APPL2: variants seen among roughly 807,000 people sequenced by gnomAD.
APPL2 encodes adaptor protein, phosphotyrosine interacting with PH domain and leucine zipper 2, also known as DCC-interacting protein 13-beta.
APPL2 carries 84 observed loss-of-function variants against 92.7 expected under a neutral mutation model. The ratio of observed to expected loss-of-function variants is 0.91; its 90% CI spans 0.76 to 1.09. The LOEUF (loss-of-function observed/expected upper bound fraction) is 1.09. APPL2 is among the 50% of genes least tolerant of loss of function. APPL2 has a pLI of 0.00. For missense variants in APPL2, 736 were observed against 824.5 expected (o/e 0.89, Z 1.31); for synonymous variants, 291 against 291.0 (o/e 1.00, Z 0.00).
At chr12:105,177,503 C>G in intron 17 of APPL2, 1 of 536,676 alleles carries the variant, frequency 1.9e-6, no homozygotes, top group Non-Finnish European at 3.3e-6. Flanking sequence ...GATTTAACTT[C>G]ACAGGATTCT....
At chr12:105,223,168 T>C (rs1466995349) in intron 2 of APPL2, among the ~76,000 whole-genome samples, 1 of 152,080 alleles carries the variant, frequency 6.6e-6, no homozygotes, top group East Asian at 1.9e-4. Flanking sequence ...GTAATCCAGC[T>C]GCGGTGTGGA....
chr12:105,187,469 T>C (rs929510991), intron 17 of APPL2, among the ~76,000 whole-genome samples: 3 of 152,176 alleles, frequency 2.0e-5, no homozygotes, highest in Admixed American at 6.5e-5. Context: ...CTCAAAAATT[T>C]GCTTAAGGTC....
intron 1 of APPL2, 46 bp downstream of exon 1, chr12:105,235,913 C>T: frequency 3.3e-6 from 4 of 1,226,830 alleles, no homozygotes; most frequent in Non-Finnish European, 4.1e-6. Context: ...GGGGCCTCCT[C>T]GGCCTCACCC....
chr12:105,206,872 A>G (rs1888745010), intron 8 of APPL2, 189 bp downstream of exon 8: 1 of 648,882 alleles, frequency 1.5e-6, no homozygotes, highest in Non-Finnish European at 2.5e-6. Flanking sequence ...ACTTGAGGCC[A>G]ATGCATGTCC....
At position 105,190,147 on chromosome 12, in the gene APPL2, A is replaced by C. The variant is rs753935134; in HGVS notation, c.1250T>G (p.Leu417Arg). ...KQESSCPSQN[L>R]KNSEMENEND... is the part of the protein sequence containing the mutation. ...TTCATTTTCCATCTCTGAATTTTTCAGGTTCTGGCTGAAGGGGAAAAAAAT... is the reference window on the plus strand; with the variant it reads ...TTCATTTTCCATCTCTGAATTTTTCCGGTTCTGGCTGAAGGGGAAAAAAAT... The change falls in exon 15 of 21, where the codon CTG (leucine) becomes CGG (arginine). Residue 417 changes from leucine to arginine, a missense_variant. Coordinates refer to ENST00000258530, the MANE Select transcript of APPL2 (RefSeq NM_018171.5). 2.5e-6 allele frequency: 4 copies of C among 1,613,642 alleles called. No individual in the cohort carries two copies. Among genetic ancestry groups the C allele is most frequent in the Admixed American group, 3.3e-5 (2 of 59,944 alleles).
chr12:105,181,465 C>T (rs1448671731), intron 17 of APPL2, among the ~76,000 whole-genome samples: 1 of 152,106 alleles, frequency 6.6e-6, no homozygotes, highest in African/African-American at 2.4e-5. Context: ...CAGGATGATG[C>T]TGGCTTCATA....
rs921029686 is a variant in APPL2 at position 105,236,056 on chromosome 12, G to A, written c.-44C>T. 30 of 1,219,696 alleles carry A rather than the reference G, an allele frequency of 2.5e-5. No homozygotes were observed. The highest frequency in any genetic ancestry group is 3.2e-5 in the African/African-American group (2 of 63,396). 75.6% of individuals were successfully genotyped at this position (1,219,696 alleles called of 1,614,324 possible). ...CGAGGGCTGGGTTGGAAGGACAGAG[G>A]GCAGGAGACGCGGCGGCCGAGAGCA... is the stretch of plus-strand genomic sequence containing the variant. On this transcript the variant is annotated 5_prime_UTR_variant, in exon 1 of 21. Transcript: ENST00000258530.
intron 2 of APPL2, among the ~76,000 whole-genome samples, chr12:105,218,581 G>A (rs189828307): frequency 6.7e-4 from 102 of 152,338 alleles, no homozygotes; most frequent in African/African-American, 2.1e-3. Context: ...TGCACTGCCT[G>A]TCTGAACAGC....
Position 105,173,388 on chromosome 12 carries a change from G to A in APPL2, c.*926C>T, listed in dbSNP as rs1465131364. On this transcript the variant is annotated 3_prime_UTR_variant, in exon 21 of 21. Transcript: ENST00000258530. ...TAGTTACAGTTAAACACACTGTACC[G>A]ATTCAAAATCATTATACTAGTTTGA... The A allele has an allele frequency of 1.3e-5, 2 of 152,560 alleles. No individual in the cohort carries two copies. The highest frequency in any genetic ancestry group is 1.9e-4 in the East Asian group (1 of 5,202). The allele number at this position is 152,560 out of a possible 1,614,324, so 9.5% of individuals were successfully genotyped here.
At chr12:105,176,167 G>GTGACC in intron 19 of APPL2, 85 bp from the exon 20 acceptor site, 1 of 1,221,392 alleles carries the variant, frequency 8.2e-7, no homozygotes, top group Non-Finnish European at 1.2e-6. Flanking sequence ...GTACAGTGAG[G>GTGACC]TCACTGTTCT....
At chr12:105,224,328 T>C (rs1890337121) in intron 2 of APPL2, among the ~76,000 whole-genome samples, 1 of 152,196 alleles carries the variant, frequency 6.6e-6, no homozygotes, top group South Asian at 2.1e-4. Flanking sequence ...AGAAAGTTAT[T>C]CTGGGATACA....
intron 11 of APPL2, among the ~76,000 whole-genome samples, chr12:105,196,779 TTCCCTTGTTCC>T (rs1370113618): frequency 6.6e-6 from 1 of 152,194 alleles, no homozygotes; most frequent in Non-Finnish European, 1.5e-5. Flanking sequence ...CATCTGCCAG[TTCCCTTGTTCC>T]TCTCATCTGT....
At chr12:105,188,611 C>T (rs1318477083) in intron 16 of APPL2, among the ~76,000 whole-genome samples, 164 bp from the exon 17 acceptor site, 1 of 152,222 alleles carries the variant, frequency 6.6e-6, no homozygotes, top group African/African-American at 2.4e-5. Flanking sequence ...AGCTCTGCGT[C>T]TTCCATTTGT....
chr12:105,208,263 T>G (rs1888920471), intron 5 of APPL2, 64 bp from the exon 6 acceptor site: 17 of 1,544,350 alleles, frequency 1.1e-5, no homozygotes, highest in Non-Finnish European at 1.5e-5. Context: ...CCCAGAGCTC[T>G]GCACTTTCCC....
intron 14 of APPL2, among the ~76,000 whole-genome samples, chr12:105,194,957 T>C (rs565484336): frequency 6.6e-6 from 1 of 152,246 alleles, no homozygotes; most frequent in African/African-American, 2.4e-5. Context: ...TGATAGAAAA[T>C]GTGGGGAGAA....
Position 105,219,727 on chromosome 12 carries a change from T to C in APPL2, c.154-2002A>G, listed in dbSNP as rs544877240. 2.0e-5 allele frequency among the ~76,000 whole-genome samples: 3 copies of C among 152,368 alleles called. No individual in the cohort carries two copies. In the South Asian group the frequency reaches 6.2e-4, roughly 32 times the overall value. Reference sequence around the variant, plus strand: ...GAGACTACTACCTGTCAACCATCTTTAGCAGTGTTGTTTTGAAGATCAGAG... The same window carrying C: ...GAGACTACTACCTGTCAACCATCTTCAGCAGTGTTGTTTTGAAGATCAGAG... On this transcript the variant is annotated intron_variant, in intron 2 of 20. Transcript: ENST00000258530.
chr12:105,230,047 T>C (rs1203417274), intron 1 of APPL2, among the ~76,000 whole-genome samples: 6 of 152,164 alleles, frequency 3.9e-5, no homozygotes, highest in African/African-American at 1.4e-4. Context: ...CCCAAAATGC[T>C]AGGATTACAG....
chr12:105,207,268 G>GC, intron 7 of APPL2, 61 bp from the exon 8 acceptor site: 1 of 1,505,828 alleles, frequency 6.6e-7, no homozygotes, highest in Non-Finnish European at 8.9e-7. Context: ...TTCTGTAAAA[G>GC]CGTGTGCTTC....
Position 105,174,251 on chromosome 12 carries a change from C to A in APPL2, c.*63G>T, listed in dbSNP as rs1198392766. The A allele has an allele frequency of 6.3e-7, 1 of 1,576,806 alleles. No homozygotes were observed. Among genetic ancestry groups the A allele is most frequent in the Non-Finnish European group, 8.6e-7 (1 of 1,162,630 alleles). On this transcript the variant is annotated 3_prime_UTR_variant, in exon 21 of 21. Transcript: ENST00000258530. ...GGTCAGTGTGCCTGTATGTCAGAGA[C>A]GTTAAAACCCTTAGGAGGTAGCTCT...
Sources: gnomAD v4.1 joint callset for allele counts (sites outside exome capture counted in the v4.1 genomes callset) on GRCh38, gnomAD v4.1.1 for gene constraint, MANE v1.5 for transcripts, NCBI Gene and HGNC (gene_info 2026-07-23, HGNC 2026-07-21) for gene names.